Variants in WASF3 observed in about 807,000 individuals in gnomAD.
WASF3 encodes the protein WASP family member 3.
Under a neutral mutation model 46.6 loss-of-function variants are expected in WASF3, and 11 were observed. The observed-to-expected ratio is 0.24, with a 90% CI of 0.15 to 0.39. The LOEUF is 0.39. Ranked by LOEUF, WASF3 falls within the 10% of genes least tolerant of loss-of-function variation. The pLI, the probability that WASF3 is intolerant of heterozygous loss-of-function variation, is 1.00. For synonymous variants in WASF3, 242 were observed against 259.7 expected, an observed-to-expected ratio of 0.93 and a Z score of 0.65; for missense variants, 576 against 669.8, an observed-to-expected ratio of 0.86 and a Z score of 1.55.
intron 1 of WASF3, among the ~76,000 whole-genome samples, chr13:26,559,788 T>TGTTC (rs1879220654): frequency 1.2e-5 from 1 of 80,508 alleles, no homozygotes; most frequent in Non-Finnish European, 2.4e-5. Flanking sequence ...TTTTCTTTTC[T>TGTTC]TTTCTTTCTT....
chr13:26,683,534 A>AT (rs1555256547), intron 9 of WASF3, among the ~76,000 whole-genome samples: 1 of 152,046 alleles, frequency 6.6e-6, no homozygotes, highest in Non-Finnish European at 1.5e-5. Flanking sequence ...CAGAAACCCA[A>AT]TAACTGAAGT....
At chr13:26,581,522 C>A (rs534749729) in intron 1 of WASF3, among the ~76,000 whole-genome samples, 2 of 151,698 alleles carry the variant, frequency 1.3e-5, no homozygotes, top group African/African-American at 4.8e-5. Context: ...TATTTCCCCA[C>A]AGAAATCAGT....
chr13:26,604,667 T>A (rs1193045514), intron 1 of WASF3, among the ~76,000 whole-genome samples: 2 of 152,194 alleles, frequency 1.3e-5, no homozygotes, highest in Non-Finnish European at 2.9e-5. Flanking sequence ...AAATAGGCTA[T>A]TTTTAGCATC....
chr13:26,632,689 A>T (rs947662574), intron 2 of WASF3, among the ~76,000 whole-genome samples: 34 of 152,310 alleles, frequency 2.2e-4, no homozygotes, highest in African/African-American at 7.5e-4. Flanking sequence ...GGCCCCATAA[A>T]ATGAGTTAGG....
chr13:26,664,631 A>G (rs1421726736), intron 3 of WASF3, among the ~76,000 whole-genome samples: 2 of 152,240 alleles, frequency 1.3e-5, no homozygotes, highest in African/African-American at 4.8e-5. Flanking sequence ...TGAATGAGAT[A>G]AAATCCCAGA....
upstream of WASF3, among the ~76,000 whole-genome samples, chr13:26,554,085 T>TTTCTTTCTC (rs1593361208): frequency 8.7e-6 from 1 of 115,198 alleles, no homozygotes; most frequent in East Asian, 2.6e-4. Flanking sequence ...CCTTCCTTCC[T>TTTCTTTCTC]TCCTTCCTTC....
At chr13:26,685,599 A>G in intron 9 of WASF3, 89 bp from the exon 10 acceptor site, 5 of 1,505,480 alleles carry the variant, frequency 3.3e-6, no homozygotes, top group African/African-American at 1.4e-5. Flanking sequence ...GTCAGTAGAA[A>G]AAAAAGTCCA....
intron 1 of WASF3, among the ~76,000 whole-genome samples, chr13:26,585,584 A>C (rs965594132): frequency 6.6e-6 from 1 of 152,182 alleles, no homozygotes; most frequent in Non-Finnish European, 1.5e-5. Context: ...TGGAAGGCAG[A>C]AGACTGTTCT....
At position 26,681,251 on chromosome 13, in the gene WASF3, C is replaced by G. The variant is rs773757357; in HGVS notation, c.914C>G (p.Pro305Arg). 9.9e-6 allele frequency: 16 copies of G among 1,613,172 alleles called. No individual in the cohort carries two copies. Among genetic ancestry groups the G allele is most frequent in the East Asian group, 6.7e-5 (3 of 44,876 alleles). ...GCCCTCAACAGACCTCAGCAGCCGCCCCCCCCGCCTCCCCCTCAGGCCCCA... is the reference window on the plus strand; with the variant it reads ...GCCCTCAACAGACCTCAGCAGCCGCGCCCCCCGCCTCCCCCTCAGGCCCCA... Reference protein sequence around the residue: ...HMALNRPQQPPPPPPPQAPEG... With the variant: ...HMALNRPQQPRPPPPPQAPEG... The change falls in exon 8 of 10, where the codon CCC becomes CGC. Residue 305 changes from proline (P) to arginine (R), a missense_variant. Pro to Arg is a moderately radical substitution (Grantham distance 103). Around this residue, in one of 3 missense-constraint regions of WASF3, gnomAD observed 295 missense variants for 291.5 expected, o/e 1.01. Coordinates refer to ENST00000335327, the MANE Select transcript of WASF3 (RefSeq NM_006646.6).
At position 26,686,010 on chromosome 13, in the gene WASF3, G is replaced by C; in HGVS notation, c.*165G>C. 4 of 867,126 alleles carry C rather than the reference G, an allele frequency of 4.6e-6. No individual in the cohort carries two copies. Among genetic ancestry groups the C allele is most frequent in the Non-Finnish European group, 6.8e-6 (4 of 588,522 alleles). 53.7% of individuals were successfully genotyped at this position (867,126 alleles called of 1,614,324 possible). ...ATTCTGGGTCTTTTCAGTATTTACT[G>C]TGTAATACTTAAGTGCCACTAAACA... On this transcript the variant is annotated 3_prime_UTR_variant, in exon 10 of 10. Transcript: ENST00000335327.
chr13:26,549,750 A>G, the WASF3 span, among the ~76,000 whole-genome samples: 1 of 152,254 alleles, frequency 6.6e-6, no homozygotes, highest in African/African-American at 2.4e-5. Context: ...TAAATTTTAT[A>G]GGAAAAGCCA....
chr13:26,622,362 T>A lies in WASF3; in HGVS notation c.-11+9304T>A, dbSNP rs75257382. 2.9e-3 allele frequency among the ~76,000 whole-genome samples: 447 copies of A among 152,318 alleles called. 8 individuals are homozygous for A. Among genetic ancestry groups the A allele is most frequent in the Admixed American group, 0.02 (301 of 15,288 alleles). The stretch of plus-strand genomic sequence containing the variant: ...CCTCTACCTACCAGTAATATCGTTT[T>A]AAAATATGTAATAAAGACTTAATGC... On this transcript the variant is annotated intron_variant, in intron 2 of 9. Transcript: ENST00000335327.
At chr13:26,598,941 G>A (rs538986682) in intron 1 of WASF3, among the ~76,000 whole-genome samples, 1 of 152,214 alleles carries the variant, frequency 6.6e-6, no homozygotes, top group South Asian at 2.1e-4. Flanking sequence ...CACGATCTTG[G>A]CTCGCTGCAT....
intron 3 of WASF3, among the ~76,000 whole-genome samples, chr13:26,660,192 TG>T (rs1593175535): frequency 1.6e-5 from 2 of 128,144 alleles, no homozygotes; most frequent in African/African-American, 2.9e-5. Flanking sequence ...GTTTTTTGTT[TG>T]GTTTTTTTTT....
chr13:26,601,923 G>C (rs1880653650), intron 1 of WASF3, among the ~76,000 whole-genome samples: 2 of 152,192 alleles, frequency 1.3e-5, no homozygotes, highest in African/African-American at 4.8e-5. Flanking sequence ...AAATTTGCCA[G>C]ATTGTGGTGA....
intron 1 of WASF3, among the ~76,000 whole-genome samples, chr13:26,572,647 C>T (rs1879673816): frequency 1.3e-5 from 2 of 152,100 alleles, no homozygotes; most frequent in African/African-American, 4.8e-5. Context: ...CTCACTGCAA[C>T]CTCGGCCTCC....
At chr13:26,616,319 A>C (rs1004770933) in intron 2 of WASF3, among the ~76,000 whole-genome samples, 3 of 152,176 alleles carry the variant, frequency 2.0e-5, no homozygotes, top group African/African-American at 7.2e-5. Context: ...GTGTGCAGTC[A>C]TATCTCCTGC....
chr13:26,675,477 C>CATAT (rs1883037128), intron 6 of WASF3, among the ~76,000 whole-genome samples: 1 of 50,488 alleles, frequency 2.0e-5, no homozygotes, highest in African/African-American at 6.7e-5. Context: ...AGACTAGACA[C>CATAT]ACATACACAC....
chr13:26,636,010 A>C (rs1232483080), intron 2 of WASF3, among the ~76,000 whole-genome samples: 2 of 152,232 alleles, frequency 1.3e-5, no homozygotes, highest in African/African-American at 4.8e-5. Flanking sequence ...TCAGAGCTCA[A>C]ACGCCATGCT....
Sources: gnomAD v4.1 joint callset for allele counts (sites outside exome capture counted in the v4.1 genomes callset) on GRCh38, gnomAD v4.1.1 for gene constraint, gnomAD v4.1.1 regional missense constraint, MANE v1.5 for transcripts, NCBI Gene and HGNC (gene_info 2026-07-23, HGNC 2026-07-21) for gene names.